PJA2: variants seen among roughly 807,000 people sequenced by gnomAD.
The protein encoded by PJA2 is praja ring finger ubiquitin ligase 2.
A neutral mutation model predicts 69.3 loss-of-function variants in PJA2; 25 were observed. That is an observed-to-expected ratio of 0.36 (90% CI 0.26 to 0.50). The LOEUF is 0.50. Among genes scored for constraint, PJA2 ranks in the 20% least tolerant of loss-of-function variants. The pLI is 0.96. For missense variants in PJA2, 809 were observed against 830.2 expected (o/e 0.97, Z 0.31); for synonymous variants, 308 against 277.8 (o/e 1.11, Z -1.08).
intron 1 of PJA2, 99 bp from the exon 2 acceptor site, chr5:109,383,619 T>C (rs1747098179): frequency 2.1e-6 from 1 of 485,382 alleles, no homozygotes; most frequent in Admixed American, 3.8e-5. Context: ...TAATAAAACT[T>C]AGAAAAATAC....
chr5:109,381,375 G>T, intron 3 of PJA2, 128 bp downstream of exon 3: 1 of 647,384 alleles, frequency 1.5e-6, no homozygotes, highest in Non-Finnish European at 2.6e-6. Flanking sequence ...TTTCAAAATA[G>T]AATTTCTTGA....
intron 6 of PJA2, among the ~76,000 whole-genome samples, chr5:109,357,849 C>T (rs1762440345): frequency 6.6e-6 from 1 of 152,224 alleles, no homozygotes; most frequent in African/African-American, 2.4e-5. Context: ...CAAAAAAACT[C>T]TTCAAACGAT....
At chr5:109,383,658 T>C (rs1021122518) in intron 1 of PJA2, 138 bp from the exon 2 acceptor site, 23 of 410,612 alleles carry the variant, frequency 5.6e-5, no homozygotes, top group African/African-American at 4.3e-4. Context: ...TGGTGGCAAA[T>C]GCCTGTGATC....
chr5:109,342,211 C>T (rs1762081258), intron 9 of PJA2, among the ~76,000 whole-genome samples: 1 of 82,064 alleles, frequency 1.2e-5, no homozygotes, highest in African/African-American at 5.0e-5. Context: ...GGGGGTCAGC[C>T]CCCCCGCCCG....
chr5:109,341,486 G>C (rs1325598832), intron 9 of PJA2, among the ~76,000 whole-genome samples: 3 of 139,360 alleles, frequency 2.2e-5, no homozygotes, highest in Non-Finnish European at 4.8e-5. Flanking sequence ...CCGCCCGGCA[G>C]CCACCCCATC....
Position 109,368,649 on chromosome 5 carries a change from G to T in PJA2, c.1381C>A (p.Leu461Met). The change falls in exon 5 of 10, where the codon CTG (leucine) becomes ATG (methionine). Residue 461 changes from leucine to methionine, a missense_variant. This residue lies in a region of PJA2 where 700 missense variants were observed against 639.5 expected (regional missense o/e 1.09). Coordinates refer to ENST00000361189, the MANE Select transcript of PJA2 (RefSeq NM_014819.5). ...QSSSDESWET[L>M]PGKDENEPEL... is the part of the protein sequence containing the mutation. ...GGTTCATTCTCATCTTTTCCTGGCA[G>T]AGTCTCCCAGCTTTCATCACTTGAG... The T allele has an allele frequency of 8.7e-6, 14 of 1,614,162 alleles. No homozygotes were observed. Among genetic ancestry groups the T allele is most frequent in the Non-Finnish European group, 1.1e-5 (13 of 1,180,040 alleles).
chr5:109,377,232 T>C (rs114651460), intron 4 of PJA2, among the ~76,000 whole-genome samples: 2 of 152,080 alleles, frequency 1.3e-5, no homozygotes, highest in African/African-American at 2.4e-5. Context: ...TTAAAATGCA[T>C]TCATATTCAA....
At chr5:109,349,313 G>A (rs1031884832) in intron 7 of PJA2, among the ~76,000 whole-genome samples, 1 of 152,168 alleles carries the variant, frequency 6.6e-6, no homozygotes, top group Non-Finnish European at 1.5e-5. Context: ...CAGCTGGCAT[G>A]ATGCTAAGCT....
chr5:109,408,806 T>C (rs1385628700), intron 1 of PJA2, among the ~76,000 whole-genome samples: 3 of 152,242 alleles, frequency 2.0e-5, no homozygotes, highest in Admixed American at 2.0e-4. Flanking sequence ...AAATACAGTT[T>C]AAACGTTTAT....
intron 3 of PJA2, among the ~76,000 whole-genome samples, chr5:109,380,124 T>C (rs1205885321): frequency 7.1e-6 from 1 of 140,214 alleles, no homozygotes; most frequent in East Asian, 2.0e-4. Flanking sequence ...GACGGAGTCT[T>C]GCTCTGTGGC....
At chr5:109,364,032 A>G (rs1762540098) in intron 5 of PJA2, among the ~76,000 whole-genome samples, 1 of 152,192 alleles carries the variant, frequency 6.6e-6, no homozygotes, top group African/African-American at 2.4e-5. Context: ...AATTCCATCT[A>G]CTCAGGAAGC....
At chr5:109,396,259 A>C (rs1267147656) in intron 1 of PJA2, among the ~76,000 whole-genome samples, 1 of 152,120 alleles carries the variant, frequency 6.6e-6, no homozygotes, top group Non-Finnish European at 1.5e-5. Context: ...CATTCATTAA[A>C]GTTTAAAAGA....
intron 4 of PJA2, among the ~76,000 whole-genome samples, chr5:109,376,326 A>G (rs1746887033): frequency 6.6e-6 from 1 of 151,862 alleles, no homozygotes; most frequent in African/African-American, 2.4e-5. Context: ...TAAAAATAAG[A>G]ATAAGAATTA....
intron 1 of PJA2, among the ~76,000 whole-genome samples, chr5:109,403,608 C>T (rs1461124301): frequency 6.6e-6 from 1 of 151,460 alleles, no homozygotes; most frequent in Non-Finnish European, 1.5e-5. Flanking sequence ...AGATAATACA[C>T]CATCACCAAG....
At position 109,353,746 on chromosome 5, in the gene PJA2, T is replaced by A. The variant is rs1762329227; in HGVS notation, c.1764+2169A>T. On this transcript the variant is annotated intron_variant, in intron 7 of 9. Coordinates refer to ENST00000361189, the MANE Select transcript of PJA2 (RefSeq NM_014819.5). ...GATACCTATATCTAGATATCTAGAT[T>A]AGATATCTATGATATCTAGAGATAT... is the stretch of plus-strand genomic sequence containing the variant. Among the ~76,000 whole-genome samples, 3 of 138,100 alleles carry A rather than the reference T, an allele frequency of 2.2e-5. No individual in the cohort carries two copies. The South Asian group carries it at 6.9e-4, about 32-fold the overall frequency. The allele number at this position is 138,100 out of a possible 152,430, so 90.6% of individuals were successfully genotyped here. A position where few individuals can be genotyped will look rare whatever the true frequency, so the allele number is the denominator to read the frequency against.
chr5:109,390,385 G>C (rs1381136752), intron 1 of PJA2, among the ~76,000 whole-genome samples: 2 of 151,428 alleles, frequency 1.3e-5, no homozygotes, highest in Non-Finnish European at 2.9e-5. Context: ...ATTTTGTCTG[G>C]TATTAATATA....
intron 5 of PJA2, among the ~76,000 whole-genome samples, chr5:109,364,609 C>A: frequency 7.6e-6 from 1 of 131,926 alleles, no homozygotes; most frequent in African/African-American, 2.8e-5. Context: ...GGCGACAGAG[C>A]GAGACTCTGT....
At chr5:109,360,846 G>T (rs1469036099) in intron 6 of PJA2, among the ~76,000 whole-genome samples, 1 of 152,060 alleles carries the variant, frequency 6.6e-6, no homozygotes. Flanking sequence ...TATATTCAGA[G>T]GCTGGGCATG....
At chr5:109,343,353 A>T (rs1432420669) in intron 9 of PJA2, among the ~76,000 whole-genome samples, 5 of 7,740 alleles carry the variant, frequency 6.5e-4, no homozygotes, top group African/African-American at 1.3e-3. Context: ...TGTACCATAA[A>T]AAAAAAAAAA....
Sources: allele counts gnomAD v4.1 joint callset (sites outside exome capture counted in the v4.1 genomes callset), GRCh38; gene constraint gnomAD v4.1.1; regional missense constraint gnomAD v4.1.1; transcripts MANE v1.5; gene names NCBI Gene and HGNC (gene_info 2026-07-23, HGNC 2026-07-21).